Variants in NT5C2 observed in about 807,000 individuals in gnomAD.
The protein encoded by NT5C2 is cytosolic purine 5'-nucleotidase.
In NT5C2, 58 loss-of-function variants were observed where a neutral mutation model predicts 76.1. The observed-to-expected ratio is 0.76, with a 90% CI of 0.62 to 0.95. The LOEUF (loss-of-function observed/expected upper bound fraction) is 0.95, where lower values mean the gene tolerates loss of function less well. Among genes scored for constraint, NT5C2 ranks in the 40% least tolerant of loss-of-function variants. NT5C2 has a pLI of 0.00. For synonymous variants in NT5C2, 229 were observed against 237.4 expected (o/e 0.96, Z 0.32); for missense variants, 478 against 690.3 (o/e 0.69, Z 3.45).
intron 13 of NT5C2, 63 bp from the exon 14 acceptor site, chr10:103,094,101 A>G (rs1205898919): frequency 7.6e-7 from 1 of 1,323,330 alleles, no homozygotes; most frequent in Non-Finnish European, 1.1e-6. Context: ...CCCTCACCCC[A>G]CAACCCTCCC....
intron 3 of NT5C2, among the ~76,000 whole-genome samples, chr10:103,159,778 G>A (rs1474860162): frequency 6.6e-6 from 1 of 151,972 alleles, no homozygotes; most frequent in African/African-American, 2.4e-5. Context: ...TAAATGGAAA[G>A]ACATCCCATA....
intron 12 of NT5C2, among the ~76,000 whole-genome samples, chr10:103,095,157 A>AT (rs1421784925): frequency 6.6e-6 from 1 of 152,194 alleles, no homozygotes; most frequent in Admixed American, 6.5e-5. Context: ...ACAAACTAAC[A>AT]TGGAACTATT....
At chr10:103,118,719 T>A (rs1591030694) in intron 4 of NT5C2, among the ~76,000 whole-genome samples, 1 of 152,220 alleles carries the variant, frequency 6.6e-6, no homozygotes, top group Non-Finnish European at 1.5e-5. Flanking sequence ...TGATATATTC[T>A]GATTAGATTT....
At chr10:103,174,745 G>C in intron 3 of NT5C2, 113 bp downstream of exon 3, 1 of 750,468 alleles carries the variant, frequency 1.3e-6, no homozygotes, top group Non-Finnish European at 2.4e-6. Context: ...CCATGTACTA[G>C]ACATACGATC....
chr10:103,092,913 C>T (rs946120311), intron 15 of NT5C2, among the ~76,000 whole-genome samples: 2 of 136,174 alleles, frequency 1.5e-5, no homozygotes, highest in African/African-American at 2.7e-5. Context: ...AACTTAACCT[C>T]GAAGAGATTC....
chr10:103,166,913 A>G (rs928623187), intron 3 of NT5C2, among the ~76,000 whole-genome samples: 2 of 152,160 alleles, frequency 1.3e-5, no homozygotes, highest in African/African-American at 4.8e-5. Flanking sequence ...TCGGTCTCTC[A>G]AAGTGCTAGT....
chr10:103,142,361 T>G (rs565063117), intron 3 of NT5C2, among the ~76,000 whole-genome samples: 11 of 152,230 alleles, frequency 7.2e-5, no homozygotes, highest in Admixed American at 6.5e-4. Flanking sequence ...ATGATGGTCT[T>G]TCAGGGTAAG....
intron 3 of NT5C2, among the ~76,000 whole-genome samples, chr10:103,150,147 C>T (rs1028679922): frequency 1.3e-5 from 2 of 152,154 alleles, no homozygotes; most frequent in African/African-American, 4.8e-5. Context: ...TACACTCATG[C>T]AACAACTACT....
chr10:103,114,220 C>T (rs2073787357), intron 4 of NT5C2, among the ~76,000 whole-genome samples: 1 of 152,126 alleles, frequency 6.6e-6, no homozygotes, highest in African/African-American at 2.4e-5. Flanking sequence ...CGAGACCAGC[C>T]TGGCCAATAT....
chr10:103,171,813 C>T (rs1422564017), intron 3 of NT5C2, among the ~76,000 whole-genome samples: 1 of 152,112 alleles, frequency 6.6e-6, no homozygotes, highest in Admixed American at 6.6e-5. Context: ...AATCCCAGCA[C>T]TTTGGGAGAC....
intron 1 of NT5C2, among the ~76,000 whole-genome samples, chr10:103,183,733 A>G (rs2091628498): frequency 6.6e-6 from 1 of 151,820 alleles, no homozygotes; most frequent in Non-Finnish European, 1.5e-5. Context: ...TACAATGTAC[A>G]CTATTCAGGT....
intron 4 of NT5C2, among the ~76,000 whole-genome samples, chr10:103,127,912 T>C (rs1156409290): frequency 1.3e-5 from 2 of 152,162 alleles, no homozygotes; most frequent in Non-Finnish European, 2.9e-5. Context: ...CAGGCTGGTC[T>C]GGAACTCCTG....
intron 3 of NT5C2, among the ~76,000 whole-genome samples, chr10:103,172,750 G>A (rs1001579481): frequency 1.3e-5 from 2 of 152,128 alleles, no homozygotes; most frequent in Non-Finnish European, 2.9e-5. Flanking sequence ...CATGAGAATT[G>A]CTTGAACCCA....
chr10:103,176,660 T>C (rs1253280927), intron 2 of NT5C2, among the ~76,000 whole-genome samples: 2 of 152,112 alleles, frequency 1.3e-5, no homozygotes, highest in Non-Finnish European at 2.9e-5. Flanking sequence ...GCTTCCCTAG[T>C]AGCTGGGACC....
intron 4 of NT5C2, among the ~76,000 whole-genome samples, chr10:103,123,621 T>C (rs545056698): frequency 1.2e-4 from 18 of 152,348 alleles, no homozygotes; most frequent in African/African-American, 4.3e-4. Context: ...TAATAAATGT[T>C]CATTTCTATC....
At chr10:103,183,231 TGAAAG>T (rs1391694476) in intron 1 of NT5C2, among the ~76,000 whole-genome samples, 14 of 134,048 alleles carry the variant, frequency 1.0e-4, no homozygotes, top group African/African-American at 3.3e-4. Flanking sequence ...ACAAAACACA[TGAAAG>T]GAGATATATA....
At chr10:103,144,026 A>G (rs1294437907) in intron 3 of NT5C2, among the ~76,000 whole-genome samples, 1 of 152,196 alleles carries the variant, frequency 6.6e-6, no homozygotes, top group African/African-American at 2.4e-5. Flanking sequence ...TTCATCAAAT[A>G]TCACCCTGTT....
intron 4 of NT5C2, chr10:103,124,900 TTAATA>T (rs2076380176): frequency 6.7e-6 from 1 of 148,490 alleles, no homozygotes; most frequent in South Asian, 2.1e-4. Context: ...GTAATTATAT[TTAATA>T]TAATTAATAT....
At chr10:103,134,617 G>A (rs954339836) in intron 4 of NT5C2, among the ~76,000 whole-genome samples, 2 of 152,226 alleles carry the variant, frequency 1.3e-5, no homozygotes, top group African/African-American at 4.8e-5. Context: ...TGTGGGGTCA[G>A]AGCCCCCACA....
Sources: allele counts gnomAD v4.1 joint callset (sites outside exome capture counted in the v4.1 genomes callset), GRCh38; gene constraint gnomAD v4.1.1; transcripts MANE v1.5; gene names NCBI Gene and HGNC (gene_info 2026-07-23, HGNC 2026-07-21).